The following CFDP1 variants were observed in gnomAD, a reference collection of about 807,000 sequenced individuals.
CFDP1 encodes the protein heterochromatin-stabilizing protein CFDP1.
CFDP1 carries 31 observed loss-of-function variants against 40.1 expected under a neutral mutation model. The ratio of observed to expected loss-of-function variants is 0.77; its 90% CI spans 0.58 to 1.04. The LOEUF is 1.04. Ranked by LOEUF, CFDP1 falls within the 50% of genes least tolerant of loss-of-function variation. CFDP1 has a pLI of 0.00. For synonymous variants in CFDP1, 167 were observed against 120.0 expected, an observed-to-expected ratio of 1.39 and a Z score of -2.56; for missense variants, 423 against 343.4, an observed-to-expected ratio of 1.23 and a Z score of -1.83.
chr16:75,418,732 TAAAA>T (rs35716697), intron 1 of CFDP1, among the ~76,000 whole-genome samples: 53 of 130,640 alleles, frequency 4.1e-4, no homozygotes, highest in Non-Finnish European at 5.7e-4. Context: ...AAAGGCTCCC[TAAAA>T]AAAAAAAAAA....
intron 5 of CFDP1, among the ~76,000 whole-genome samples, chr16:75,354,364 T>C (rs2078632808): frequency 1.3e-5 from 2 of 152,150 alleles, no homozygotes. Context: ...CTGCATTCAC[T>C]GTTGTGGAGA....
intron 4 of CFDP1, among the ~76,000 whole-genome samples, chr16:75,402,255 T>C (rs555679027): frequency 3.3e-5 from 5 of 152,234 alleles, no homozygotes; most frequent in East Asian, 1.9e-4. Flanking sequence ...TTATTAGTAA[T>C]AGTTAATTCA....
At chr16:75,372,747 C>T (rs1048786103) in intron 5 of CFDP1, among the ~76,000 whole-genome samples, 6 of 152,132 alleles carry the variant, frequency 3.9e-5, no homozygotes, top group Non-Finnish European at 5.9e-5. Flanking sequence ...GGAGTATTAA[C>T]TTTTCTCCTG....
chr16:75,371,452 G>T (rs1377280369), intron 5 of CFDP1, among the ~76,000 whole-genome samples: 1 of 152,090 alleles, frequency 6.6e-6, no homozygotes, highest in Non-Finnish European at 1.5e-5. Context: ...AAACCTGAAT[G>T]GGGGGCGAGG....
chr16:75,346,057 A>G (rs2078561301), intron 5 of CFDP1, among the ~76,000 whole-genome samples: 1 of 152,240 alleles, frequency 6.6e-6, no homozygotes, highest in Non-Finnish European at 1.5e-5. Flanking sequence ...ACAATGGCTC[A>G]AATGTCAATG....
intron 5 of CFDP1, among the ~76,000 whole-genome samples, chr16:75,393,403 G>A (rs934711553): frequency 3.9e-5 from 6 of 152,050 alleles, no homozygotes; most frequent in Non-Finnish European, 8.8e-5. Flanking sequence ...GTATAACTCT[G>A]TTGTTAAGAG....
chr16:75,304,712 AG>A (rs1478485443), intron 6 of CFDP1, among the ~76,000 whole-genome samples: 1 of 152,232 alleles, frequency 6.6e-6, no homozygotes, highest in African/African-American at 2.4e-5. Context: ...CTGCTACCAC[AG>A]GCCAGATCCA....
rs114269601 is a variant in CFDP1, at chr16:75,415,980, G to A, written c.65-1285C>T. On this transcript the variant is annotated intron_variant, in intron 1 of 6. Transcript: ENST00000283882. Reference sequence around the variant, plus strand: ...CGATTCTCCTGCCTTGGCCTCCTGAGTAGCTGACATTACAGAAGTGTGCCA... The same window carrying A: ...CGATTCTCCTGCCTTGGCCTCCTGAATAGCTGACATTACAGAAGTGTGCCA... Among the ~76,000 whole-genome samples the A allele has an allele frequency of 8.4e-3, 1,283 of 152,162 alleles. 22 individuals are homozygous for A. Among genetic ancestry groups the A allele is most frequent in the African/African-American group, 0.028 (1,180 of 41,488 alleles).
chr16:75,406,583 C>T (rs1327037011), intron 4 of CFDP1: 1 of 152,152 alleles, frequency 6.6e-6, no homozygotes, highest in Non-Finnish European at 1.5e-5. Context: ...CACCTGTAAT[C>T]CCAGCTACTC....
At chr16:75,336,973 G>C (rs774064688) in intron 5 of CFDP1, among the ~76,000 whole-genome samples, 1 of 152,084 alleles carries the variant, frequency 6.6e-6, no homozygotes, top group East Asian at 1.9e-4. Context: ...ATTTGTAGGG[G>C]ATCTTATGGA....
intron 5 of CFDP1, among the ~76,000 whole-genome samples, chr16:75,337,738 T>C (rs2078499295): frequency 6.6e-6 from 1 of 152,026 alleles, no homozygotes; most frequent in Non-Finnish European, 1.5e-5. Context: ...GAACTCACTA[T>C]CACGAAAACA....
At chr16:75,341,176 A>G (rs185195712) in intron 5 of CFDP1, among the ~76,000 whole-genome samples, 120 of 152,276 alleles carry the variant, frequency 7.9e-4, no homozygotes, top group African/African-American at 2.8e-3. Flanking sequence ...TCTTCCTGAC[A>G]AGGCACCAGT....
Position 75,427,014 on chromosome 16 carries a change from C to T in CFDP1, c.64+6275G>A, listed in dbSNP as rs571128812. Among the ~76,000 whole-genome samples, 4 of 150,100 alleles carry T rather than the reference C, an allele frequency of 2.7e-5. No individual in the cohort carries two copies. The South Asian group carries it at 8.5e-4, about 32-fold the overall frequency. Reference sequence around the variant, plus strand: ...AGGTTGTGGTGAGCCAAGATTATGCCACTGTACTCCAGCCTGGGGGACAGC... The same window carrying T: ...AGGTTGTGGTGAGCCAAGATTATGCTACTGTACTCCAGCCTGGGGGACAGC... On this transcript the variant is annotated intron_variant, in intron 1 of 6. Transcript: ENST00000283882.
chr16:75,346,582 C>CAAAAAAAAA lies in CFDP1; in HGVS notation c.651-41409_651-41401dup, dbSNP rs748081401. On this transcript the variant is annotated intron_variant, in intron 5 of 6. Transcript: ENST00000283882. ...TGGGTGACAGAGCAAGACTCTGTCT[C>CAAAAAAAAA]AAAAAAAAAAAAAAAAAAAAAAAAA... Among the ~76,000 whole-genome samples, 236 of 59,336 alleles carry CAAAAAAAAA rather than the reference C, an allele frequency of 4.0e-3. 5 individuals carry two copies. The highest frequency in any genetic ancestry group is 4.8e-3 in the East Asian group (8 of 1,664). The allele number at this position is 59,336 out of a possible 152,430, so 38.9% of individuals were successfully genotyped here.
chr16:75,384,639 CAT>C (rs1355680989), intron 5 of CFDP1, among the ~76,000 whole-genome samples: 2 of 151,906 alleles, frequency 1.3e-5, no homozygotes, highest in East Asian at 3.9e-4. Context: ...ACATAAAAAA[CAT>C]ATGTGTAAGG....
At chr16:75,406,433 T>A (rs113743899) in intron 4 of CFDP1, 3 of 152,238 alleles carry the variant, frequency 2.0e-5, no homozygotes, top group African/African-American at 7.2e-5. Context: ...CAGGGTGCGG[T>A]GGCTCATACC....
intron 4 of CFDP1, among the ~76,000 whole-genome samples, chr16:75,397,501 G>A (rs899920701): frequency 1.5e-4 from 23 of 150,876 alleles, no homozygotes; most frequent in Admixed American, 6.6e-4. Context: ...GCAAGACTCC[G>A]TCTCAAAAAG....
chr16:75,389,176 G>A lies in CFDP1; in HGVS notation c.650+5914C>T, dbSNP rs143491107. ...AATAGGTAGCAAATGTGGGGTTGAA[G>A]CCTGGCCAGCCAGATACCAGCAAAT... On this transcript the variant is annotated intron_variant, in intron 5 of 6. Transcript: ENST00000283882. Among the ~76,000 whole-genome samples, 285 of 152,324 alleles carry A rather than the reference G, an allele frequency of 1.9e-3. 1 individual carries two copies. The highest frequency in any genetic ancestry group is 2.5e-3 in the Non-Finnish European group (167 of 68,034).
chr16:75,329,676 T>C (rs1016035259), intron 5 of CFDP1, among the ~76,000 whole-genome samples: 1 of 152,238 alleles, frequency 6.6e-6, no homozygotes, highest in African/African-American at 2.4e-5. Flanking sequence ...AACATGTTTC[T>C]TGTTTATTCC....
Sources: gnomAD v4.1 joint callset for allele counts (sites outside exome capture counted in the v4.1 genomes callset) on GRCh38, gnomAD v4.1.1 for gene constraint, MANE v1.5 for transcripts, NCBI Gene and HGNC (gene_info 2026-07-23, HGNC 2026-07-21) for gene names.